Variants in STK31 observed in about 807,000 individuals in gnomAD.
STK31 encodes the protein serine/threonine-protein kinase 31.
Under a neutral mutation model 129.7 loss-of-function variants are expected in STK31, and 89 were observed. That is an observed-to-expected ratio of 0.69 (90% CI 0.58 to 0.82). STK31 has a LOEUF of 0.82. STK31 is among the 40% of genes least tolerant of loss of function. STK31 has a pLI of 0.00. For missense variants in STK31, 1,187 were observed against 1,176.4 expected, an observed-to-expected ratio of 1.01 and a Z score of -0.13; for synonymous variants, 448 against 395.3, an observed-to-expected ratio of 1.13 and a Z score of -1.58.
At chr7:23,781,642 A>G (rs973268291) in intron 16 of STK31, 122 bp downstream of exon 16, 1 of 624,238 alleles carries the variant, frequency 1.6e-6, no homozygotes, top group African/African-American at 1.9e-5. Context: ...AAGTTTATAT[A>G]TATATTGACC....
rs1794622900 is a variant in STK31, at chr7:23,832,481, G to T, written c.*115G>T. 3.9e-6 allele frequency: 3 copies of T among 768,412 alleles called. No homozygotes were observed. The highest frequency in any genetic ancestry group is 6.3e-6 in the Non-Finnish European group (3 of 475,496). 47.6% of individuals were successfully genotyped at this position (768,412 alleles called of 1,614,324 possible). A position where few individuals can be genotyped will look rare whatever the true frequency, so the allele number is the denominator to read the frequency against. ...GAGTTGTATCTTTAGTATTCAGGTT[G>T]TGAAAAATAAAGATGTTTGGCTATG... On this transcript the variant is annotated 3_prime_UTR_variant, in exon 24 of 24. Coordinates refer to ENST00000355870, the MANE Select transcript of STK31 (RefSeq NM_031414.5).
chr7:23,758,517 G>C (rs1562577979), intron 10 of STK31, among the ~76,000 whole-genome samples: 1 of 151,250 alleles, frequency 6.6e-6, no homozygotes, highest in East Asian at 1.9e-4. Flanking sequence ...GCTAGCTTTT[G>C]GGTTCATTTG....
At chr7:23,736,088 GA>G (rs2128080340) in intron 7 of STK31, among the ~76,000 whole-genome samples, 192 bp downstream of exon 7, 2 of 152,184 alleles carry the variant, frequency 1.3e-5, no homozygotes, top group South Asian at 4.2e-4. Context: ...AAGCTATTTT[GA>G]AAGAAAAATA....
At chr7:23,716,356 G>C (rs1786322156) in intron 3 of STK31, among the ~76,000 whole-genome samples, 1 of 152,086 alleles carries the variant, frequency 6.6e-6, no homozygotes, top group African/African-American at 2.4e-5. Flanking sequence ...TCTTATTGAT[G>C]ATAACCTTGA....
chr7:23,809,986 G>A (rs1399273726), intron 22 of STK31, among the ~76,000 whole-genome samples: 2 of 152,266 alleles, frequency 1.3e-5, no homozygotes, highest in African/African-American at 4.8e-5. Flanking sequence ...CAGCACGACT[G>A]TTGTTTTGTC....
At chr7:23,713,803 C>T (rs55919851) in intron 3 of STK31, among the ~76,000 whole-genome samples, 40,651 of 151,538 alleles carry the variant, frequency 0.27, 6,227 homozygotes, top group African/African-American at 0.43. Flanking sequence ...GGACTTGAGG[C>T]GGCTGTACAG....
intron 11 of STK31, among the ~76,000 whole-genome samples, chr7:23,764,964 A>AAAAT (rs1789718476): frequency 6.6e-6 from 1 of 151,764 alleles, no homozygotes; most frequent in Non-Finnish European, 1.5e-5. Context: ...TTTAAAAAAT[A>AAAAT]AAAATTTTTT....
intron 15 of STK31, among the ~76,000 whole-genome samples, chr7:23,779,786 G>T (rs577094402): frequency 6.6e-6 from 1 of 152,350 alleles, no homozygotes; most frequent in African/African-American, 2.4e-5. Context: ...ATGGGGGTGG[G>T]ATCTGCTGAG....
chr7:23,826,278 C>G (rs995212916), intron 23 of STK31, among the ~76,000 whole-genome samples: 9 of 151,884 alleles, frequency 5.9e-5, no homozygotes, highest in East Asian at 1.9e-4. Flanking sequence ...GAATCTGGGT[C>G]CTCCTGTATT....
In STK31 at chr7:23,772,261, A is replaced by G; in HGVS notation, c.1948A>G (p.Lys650Glu). 6.2e-7 allele frequency: 1 copy of G among 1,605,258 alleles called. No individual in the cohort carries two copies. The highest frequency in any genetic ancestry group is 1.1e-5 in the South Asian group (1 of 89,216). ...KALLRWKLVE[K>E]SNLEESDDPD... is the part of the protein sequence containing the mutation. ...TCTACTCAGATGGAAATTGGTTGAAAAGAGTAATTTGGAAGAGGTAAGGAA... is the reference window on the plus strand; with the variant it reads ...TCTACTCAGATGGAAATTGGTTGAAGAGAGTAATTTGGAAGAGGTAAGGAA... Residue 650 changes from lysine to glutamate, a missense_variant, in exon 15 of 24, where the codon AAG becomes GAG. This residue lies in a region of STK31 where 975 missense variants were observed against 934.9 expected (regional missense o/e 1.04). Coordinates refer to ENST00000355870, the MANE Select transcript of STK31 (RefSeq NM_031414.5).
chr7:23,728,050 G>A (rs1241204631), intron 5 of STK31, among the ~76,000 whole-genome samples: 4 of 145,422 alleles, frequency 2.8e-5, no homozygotes, highest in Non-Finnish European at 1.5e-5. Context: ...GGTTAAATGT[G>A]GTGAGTTTTC....
intron 4 of STK31, among the ~76,000 whole-genome samples, chr7:23,720,092 C>T (rs980285945): frequency 1.3e-5 from 2 of 151,958 alleles, no homozygotes; most frequent in African/African-American, 4.8e-5. Context: ...TGATAAGCTA[C>T]AATAAAGCTC....
intron 22 of STK31, among the ~76,000 whole-genome samples, chr7:23,808,566 G>A (rs1316727562): frequency 7.9e-5 from 12 of 152,088 alleles, no homozygotes; most frequent in Non-Finnish European, 4.4e-5. Context: ...GCTGCTGGGT[G>A]GGAGTGGAAG....
At chr7:23,827,012 C>A (rs1371073397) in intron 23 of STK31, among the ~76,000 whole-genome samples, 1 of 152,134 alleles carries the variant, frequency 6.6e-6, no homozygotes, top group Non-Finnish European at 1.5e-5. Flanking sequence ...CCTTTCTAAA[C>A]TCTGGCTGCC....
At chr7:23,806,080 G>A (rs920371122) in intron 22 of STK31, among the ~76,000 whole-genome samples, 9 of 152,162 alleles carry the variant, frequency 5.9e-5, no homozygotes, top group African/African-American at 1.9e-4. Flanking sequence ...AGCCTGGAAG[G>A]CAGTCTTCAC....
At chr7:23,755,774 T>G (rs931628879) in intron 10 of STK31, among the ~76,000 whole-genome samples, 10 of 152,226 alleles carry the variant, frequency 6.6e-5, no homozygotes, top group African/African-American at 2.4e-4. Flanking sequence ...ATTGCTTGTT[T>G]TTGTCAGGTT....
chr7:23,742,952 C>CT (rs56363240), intron 8 of STK31, among the ~76,000 whole-genome samples: 33 of 115,542 alleles, frequency 2.9e-4, no homozygotes, highest in African/African-American at 4.6e-4. Context: ...GGGTTTTATA[C>CT]TTTTTTTTTT....
intron 15 of STK31, among the ~76,000 whole-genome samples, chr7:23,774,391 C>G (rs935295385): frequency 3.3e-5 from 5 of 152,172 alleles, no homozygotes. Flanking sequence ...AGTTTACAGT[C>G]CCACCAACAG....
intron 21 of STK31, among the ~76,000 whole-genome samples, chr7:23,789,085 AG>A (rs1791467446): frequency 6.6e-6 from 1 of 152,186 alleles, no homozygotes; most frequent in Non-Finnish European, 1.5e-5. Context: ...AATTTCACTT[AG>A]CATAGTGTTT....
Sources: gnomAD v4.1 joint callset for allele counts (sites outside exome capture counted in the v4.1 genomes callset) on GRCh38, gnomAD v4.1.1 for gene constraint, gnomAD v4.1.1 regional missense constraint, MANE v1.5 for transcripts, NCBI Gene and HGNC (gene_info 2026-07-23, HGNC 2026-07-21) for gene names.